GLG1: variants seen among roughly 807,000 people sequenced by gnomAD.
GLG1 encodes the protein golgi glycoprotein 1.
Under a neutral mutation model 160.5 loss-of-function variants are expected in GLG1, and 38 were observed. The ratio of observed to expected loss-of-function variants is 0.24; its 90% CI spans 0.18 to 0.31. GLG1 has a LOEUF of 0.31. GLG1 is among the 10% of genes least tolerant of loss of function. The pLI is 1.00. For synonymous variants in GLG1, 644 were observed against 543.4 expected (o/e 1.19, Z -2.57); for missense variants, 1,373 against 1,505.2 (o/e 0.91, Z 1.45).
intron 1 of GLG1, among the ~76,000 whole-genome samples, chr16:74,582,422 T>C (rs1957958601): frequency 1.3e-5 from 2 of 152,042 alleles, no homozygotes; most frequent in African/African-American, 4.8e-5. Flanking sequence ...TGCCTCAACA[T>C]CCCAAGGTGC....
rs2015090237 is a variant in GLG1, at chr16:74,468,684, T to C, written c.2436+262A>G. On this transcript the variant is annotated intron_variant, in intron 17 of 25. Coordinates refer to ENST00000422840, the MANE Select transcript of GLG1 (RefSeq NM_001145667.2). ...ACCCAGCCCCTGAGGACATTACTGA[T>C]CCAGTGATTGGATCACATGCTTAGT... The C allele has an allele frequency of 6.6e-6, 3 of 452,730 alleles. No homozygotes were observed. The East Asian group carries it at 1.2e-4, about 18-fold the overall frequency. The allele number at this position is 452,730 out of a possible 1,614,324, so 28.0% of individuals were successfully genotyped here.
intron 1 of GLG1, among the ~76,000 whole-genome samples, chr16:74,602,927 G>A (rs994496085): frequency 8.5e-5 from 13 of 152,094 alleles, no homozygotes; most frequent in East Asian, 7.7e-4. Context: ...TTGGGAGGCC[G>A]ACGCAGGCAG....
At chr16:74,536,298 C>A (rs899868198) in intron 1 of GLG1, among the ~76,000 whole-genome samples, 2 of 152,136 alleles carry the variant, frequency 1.3e-5, no homozygotes, top group African/African-American at 4.8e-5. Flanking sequence ...AGGAATAACA[C>A]CCATAATTAC....
At chr16:74,586,742 A>G (rs1958062163) in intron 1 of GLG1, among the ~76,000 whole-genome samples, 1 of 151,552 alleles carries the variant, frequency 6.6e-6, no homozygotes. Flanking sequence ...ATTGTTGCCC[A>G]GGCTAGAGTG....
chr16:74,544,508 T>C (rs2017990258), intron 1 of GLG1, among the ~76,000 whole-genome samples: 1 of 152,136 alleles, frequency 6.6e-6, no homozygotes, highest in African/African-American at 2.4e-5. Flanking sequence ...TGTTGTTGTT[T>C]GTTTGGTTGG....
At chr16:74,603,568 G>T (rs936816721) in intron 1 of GLG1, among the ~76,000 whole-genome samples, 1 of 151,852 alleles carries the variant, frequency 6.6e-6, no homozygotes, top group African/African-American at 2.4e-5. Context: ...GAGCCACTGC[G>T]CCCGGCTGAA....
chr16:74,463,000 C>G, intron 20 of GLG1: 2 of 414,596 alleles, frequency 4.8e-6, no homozygotes, highest in East Asian at 9.5e-5. Context: ...CTTACGAGGT[C>G]TTCCAACTCA....
chr16:74,485,117 G>C (rs1343189428), intron 9 of GLG1, among the ~76,000 whole-genome samples: 1 of 152,186 alleles, frequency 6.6e-6, no homozygotes. Context: ...ATATTGCCCA[G>C]GCTGGTTTCA....
intron 1 of GLG1, among the ~76,000 whole-genome samples, chr16:74,590,621 C>CAAAA (rs11321370): frequency 3.9e-5 from 3 of 76,258 alleles, no homozygotes; most frequent in South Asian, 4.5e-4. Flanking sequence ...ACTCCGTCTC[C>CAAAA]AAAAAAAAAA....
intron 7 of GLG1, 112 bp downstream of exon 7, chr16:74,492,845 A>T: frequency 1.8e-6 from 1 of 547,626 alleles, no homozygotes. Context: ...AAAAAGAAAA[A>T]TACTCAAAGA....
chr16:74,534,500 A>C (rs961643503), intron 1 of GLG1, among the ~76,000 whole-genome samples: 9 of 152,372 alleles, frequency 5.9e-5, no homozygotes, highest in African/African-American at 1.9e-4. Flanking sequence ...TTCTTGAAAG[A>C]AATTTAGAGC....
chr16:74,585,233 C>A (rs960851460), intron 1 of GLG1, among the ~76,000 whole-genome samples: 3 of 151,916 alleles, frequency 2.0e-5, no homozygotes, highest in African/African-American at 7.3e-5. Context: ...CATGGTGAAA[C>A]CCCATCTCTA....
At chr16:74,592,189 T>G (rs189006890) in intron 1 of GLG1, among the ~76,000 whole-genome samples, 2 of 152,142 alleles carry the variant, frequency 1.3e-5, no homozygotes, top group Non-Finnish European at 2.9e-5. Context: ...GTCATCCAGG[T>G]TGGAGTGCAA....
intron 1 of GLG1, chr16:74,552,476 T>G (rs2550852): frequency 6.7e-5 from 33 of 492,126 alleles, no homozygotes; most frequent in East Asian, 2.1e-4. Context: ...TACCAACGAC[T>G]GTATCCAGTA....
intron 4 of GLG1, among the ~76,000 whole-genome samples, chr16:74,499,857 G>T (rs1048088804): frequency 3.3e-5 from 5 of 152,130 alleles, no homozygotes; most frequent in African/African-American, 9.7e-5. Flanking sequence ...CAAAAAATTA[G>T]CCGGGCATGG....
intron 24 of GLG1, among the ~76,000 whole-genome samples, chr16:74,457,087 T>C (rs2014578261): frequency 6.6e-6 from 1 of 152,178 alleles, no homozygotes. Context: ...AGTAAGACCT[T>C]GTTTCAAAAA....
At chr16:74,470,118 G>A in intron 15 of GLG1, 45 bp from the exon 16 acceptor site, 1 of 1,118,578 alleles carries the variant, frequency 8.9e-7, no homozygotes. Flanking sequence ...GTGGCAACTT[G>A]TGGTCAGTAG....
intron 1 of GLG1, among the ~76,000 whole-genome samples, chr16:74,538,727 GATT>G (rs770037303): frequency 1.1e-4 from 7 of 64,314 alleles, no homozygotes; most frequent in Admixed American, 2.4e-4. Flanking sequence ...GAGATTTTGA[GATT>G]TTTTTTTTTT....
rs1210811315 is a variant in GLG1, at chr16:74,496,617, A to T, written c.802T>A (p.Ser268Thr). ...TTCACCAGGCCTTTCTCCAAGCATG[A>T]TACCACCTCACCTTGTGAATGTGCA... ...KDAHSQGEVV[S>T]CLEKGLVKEA... The change falls in exon 5 of 26, where the codon TCA becomes ACA. Residue 268 changes from serine (S) to threonine (T), a missense_variant. Ser to Thr is a moderately conservative substitution (Grantham distance 58). Transcript: ENST00000422840. 1.2e-6 allele frequency: 2 copies of T among 1,612,320 alleles called. No homozygotes were observed. Among genetic ancestry groups the T allele is most frequent in the South Asian group, 2.2e-5 (2 of 91,054 alleles).
Sources: gnomAD v4.1 joint callset for allele counts (sites outside exome capture counted in the v4.1 genomes callset) on GRCh38, gnomAD v4.1.1 for gene constraint, MANE v1.5 for transcripts, NCBI Gene and HGNC (gene_info 2026-07-23, HGNC 2026-07-21) for gene names.